PDE3A: variants seen among roughly 807,000 people sequenced by gnomAD.
PDE3A encodes the protein phosphodiesterase 3A.
In PDE3A, 43 loss-of-function variants were observed where a neutral mutation model predicts 98.3. The ratio of observed to expected loss-of-function variants is 0.44; its 90% CI spans 0.34 to 0.56. PDE3A has a LOEUF of 0.56. Among genes scored for constraint, PDE3A ranks in the 20% least tolerant of loss-of-function variants. The pLI is 0.01. For synonymous variants in PDE3A, 663 were observed against 567.9 expected (o/e 1.17, Z -2.38); for missense variants, 1,427 against 1,440.7 (o/e 0.99, Z 0.15).
intron 1 of PDE3A, among the ~76,000 whole-genome samples, chr12:20,520,027 C>G (rs1184818503): frequency 6.6e-6 from 1 of 152,114 alleles, no homozygotes; most frequent in Non-Finnish European, 1.5e-5. Flanking sequence ...AAGGTGACAT[C>G]GCTATTCAGT....
At chr12:20,407,671 T>C (rs950887037) in intron 1 of PDE3A, among the ~76,000 whole-genome samples, 1 of 152,210 alleles carries the variant, frequency 6.6e-6, no homozygotes, top group Non-Finnish European at 1.5e-5. Context: ...ATTTTGTGGC[T>C]TATTAAATTT....
intron 1 of PDE3A, among the ~76,000 whole-genome samples, chr12:20,382,543 G>A (rs894840985): frequency 6.6e-6 from 1 of 151,864 alleles, no homozygotes; most frequent in African/African-American, 2.4e-5. Flanking sequence ...AGGAATATCA[G>A]CTTCACTACC....
intron 2 of PDE3A, among the ~76,000 whole-genome samples, chr12:20,560,122 G>A (rs1942475933): frequency 6.6e-6 from 1 of 152,124 alleles, no homozygotes; most frequent in Non-Finnish European, 1.5e-5. Context: ...AAGTGAAGGT[G>A]ACAATTCCAA....
intron 15 of PDE3A, among the ~76,000 whole-genome samples, chr12:20,679,569 C>T (rs1040974163): frequency 6.6e-6 from 1 of 152,104 alleles, no homozygotes; most frequent in Non-Finnish European, 1.5e-5. Flanking sequence ...TTTTAGTCCA[C>T]ATGAAGCAGA....
intron 10 of PDE3A, among the ~76,000 whole-genome samples, chr12:20,645,363 T>C (rs1469356155): frequency 6.6e-6 from 1 of 152,184 alleles, no homozygotes; most frequent in Non-Finnish European, 1.5e-5. Context: ...ATTGCCACAT[T>C]GACCATAGGT....
chr12:20,602,907 T>C (rs942771568), intron 2 of PDE3A, among the ~76,000 whole-genome samples: 1 of 152,228 alleles, frequency 6.6e-6, no homozygotes, highest in Admixed American at 6.5e-5. Flanking sequence ...TAAACACATA[T>C]GCAATTTTGC....
intron 1 of PDE3A, among the ~76,000 whole-genome samples, chr12:20,544,999 A>G (rs1210225700): frequency 3.3e-5 from 5 of 152,032 alleles, no homozygotes; most frequent in African/African-American, 4.8e-5. Context: ...TATTTTGCAG[A>G]ATTTCACAAG....
At chr12:20,667,465 G>T (rs1045184370) in intron 15 of PDE3A, among the ~76,000 whole-genome samples, 3 of 152,066 alleles carry the variant, frequency 2.0e-5, no homozygotes, top group Admixed American at 6.6e-5. Context: ...GTGAGAAATG[G>T]AGTCTAGTTT....
chr12:20,624,142 T>C (rs955986431), intron 5 of PDE3A, among the ~76,000 whole-genome samples: 2 of 152,168 alleles, frequency 1.3e-5, no homozygotes, highest in Non-Finnish European at 2.9e-5. Flanking sequence ...CAATTAATCC[T>C]GAATACTTTC....
At chr12:20,604,816 T>C (rs901347892) in intron 2 of PDE3A, among the ~76,000 whole-genome samples, 5 of 152,218 alleles carry the variant, frequency 3.3e-5, no homozygotes, top group Non-Finnish European at 1.5e-5. Flanking sequence ...CTCTCAAGTA[T>C]GTGTCCACTG....
intron 2 of PDE3A, among the ~76,000 whole-genome samples, chr12:20,566,310 G>T (rs1170355005): frequency 6.6e-6 from 1 of 151,768 alleles, no homozygotes; most frequent in Non-Finnish European, 1.5e-5. Context: ...GAAATCTGCA[G>T]GTTATCAAAC....
chr12:20,443,359 G>C (rs1944901081), intron 1 of PDE3A, among the ~76,000 whole-genome samples: 1 of 152,068 alleles, frequency 6.6e-6, no homozygotes, highest in African/African-American at 2.4e-5. Flanking sequence ...AGATACGTAA[G>C]GGGATATGGC....
intron 2 of PDE3A, among the ~76,000 whole-genome samples, chr12:20,569,006 T>C (rs1052802751): frequency 6.6e-6 from 1 of 152,020 alleles, no homozygotes; most frequent in Non-Finnish European, 1.5e-5. Context: ...AGCTGGCATA[T>C]GGCCACCACA....
At chr12:20,477,937 C>A (rs1945557762) in intron 1 of PDE3A, among the ~76,000 whole-genome samples, 1 of 152,136 alleles carries the variant, frequency 6.6e-6, no homozygotes, top group Non-Finnish European at 1.5e-5. Context: ...GCCATTCCTT[C>A]CAGATCGCAT....
chr12:20,368,545 C>T lies in PDE3A; in HGVS notation c.-740C>T, dbSNP rs1266959210. ...TCCCTTCTGCGGCTGCCGCTAGTCT[C>T]TCGGTCTGGCTCTCTCTCCGACGGG... On this transcript the variant is annotated 5_prime_UTR_variant, in exon 1 of 16. Coordinates refer to ENST00000359062, the MANE Select transcript of PDE3A (RefSeq NM_000921.5). Among the ~76,000 whole-genome samples the T allele has an allele frequency of 6.6e-6, 1 of 151,958 alleles. No homozygotes were observed. Among genetic ancestry groups the T allele is most frequent in the Non-Finnish European group, 1.5e-5 (1 of 67,966 alleles).
At chr12:20,481,891 A>T (rs1213586038) in intron 1 of PDE3A, among the ~76,000 whole-genome samples, 2 of 145,140 alleles carry the variant, frequency 1.4e-5, no homozygotes, top group Non-Finnish European at 3.0e-5. Flanking sequence ...CAGCCTCCCG[A>T]GTAGCTGGGA....
Position 20,443,746 on chromosome 12 carries a change from T to G in PDE3A, c.960+73502T>G, listed in dbSNP as rs1204581105. On this transcript the variant is annotated intron_variant, in intron 1 of 15. Transcript: ENST00000359062. ...AACCCTACTTCCATGAAAATGAAAT[T>G]TCTTTTTGAAAAGAGAAATAGGTAT... 2.0e-5 allele frequency among the ~76,000 whole-genome samples: 3 copies of G among 152,322 alleles called. No homozygotes were observed. The East Asian group carries it at 5.8e-4, about 29-fold the overall frequency.
At chr12:20,527,098 T>C (rs1946538017) in intron 1 of PDE3A, among the ~76,000 whole-genome samples, 1 of 152,102 alleles carries the variant, frequency 6.6e-6, no homozygotes, top group South Asian at 2.1e-4. Context: ...TTTGTATTTT[T>C]AGTAAAGAGG....
chr12:20,483,343 C>T (rs1412141693), intron 1 of PDE3A, among the ~76,000 whole-genome samples: 4 of 152,164 alleles, frequency 2.6e-5, no homozygotes, highest in Middle Eastern at 3.4e-3. Context: ...GAGCCGAGAT[C>T]GCACCACTGC....
Sources: gnomAD v4.1 joint callset for allele counts (sites outside exome capture counted in the v4.1 genomes callset) on GRCh38, gnomAD v4.1.1 for gene constraint, MANE v1.5 for transcripts, NCBI Gene and HGNC (gene_info 2026-07-23, HGNC 2026-07-21) for gene names.